PIP5K1B: variants seen among roughly 807,000 people sequenced by gnomAD.
The protein encoded by PIP5K1B is phosphatidylinositol-4-phosphate 5-kinase type 1 beta.
Under a neutral mutation model 67.0 loss-of-function variants are expected in PIP5K1B, and 42 were observed. The ratio of observed to expected loss-of-function variants is 0.63; its 90% CI spans 0.49 to 0.81. The LOEUF is 0.81. PIP5K1B is among the 30% of genes least tolerant of loss of function. The probability of loss-of-function intolerance (pLI) is 0.00; values close to 1 mark genes in which losing one functional copy is unlikely to be tolerated. For synonymous variants in PIP5K1B, 214 were observed against 231.4 expected (o/e 0.92, Z 0.68); for missense variants, 459 against 646.3 (o/e 0.71, Z 3.14).
At chr9:68,892,119 A>T (rs1038884562) in intron 7 of PIP5K1B, among the ~76,000 whole-genome samples, 3 of 152,196 alleles carry the variant, frequency 2.0e-5, no homozygotes, top group African/African-American at 7.2e-5. Context: ...AGAAATCTGC[A>T]TTGTTCCTGA....
intron 14 of PIP5K1B, among the ~76,000 whole-genome samples, chr9:68,973,190 A>C (rs569628917): frequency 3.9e-5 from 6 of 152,316 alleles, no homozygotes; most frequent in Admixed American, 1.3e-4. Flanking sequence ...GTAATACAAC[A>C]ACCTCATCTG....
At chr9:68,737,178 G>A (rs770570946) in intron 1 of PIP5K1B, among the ~76,000 whole-genome samples, 1 of 152,104 alleles carries the variant, frequency 6.6e-6, no homozygotes, top group Non-Finnish European at 1.5e-5. Flanking sequence ...ACGTCACCAG[G>A]TTTGCTTTCT....
intron 2 of PIP5K1B, among the ~76,000 whole-genome samples, chr9:68,768,896 A>G (rs62552126): frequency 0.12 from 18,358 of 152,222 alleles, 1,212 homozygotes; most frequent in Non-Finnish European, 0.16. Flanking sequence ...ATTTCAATAG[A>G]AACCCCTGGT....
intron 4 of PIP5K1B, among the ~76,000 whole-genome samples, chr9:68,838,546 A>G (rs1186119541): frequency 2.0e-5 from 3 of 152,206 alleles, no homozygotes; most frequent in Non-Finnish European, 4.4e-5. Context: ...CTGCATTAAG[A>G]AAGTTTTTTT....
intron 5 of PIP5K1B, among the ~76,000 whole-genome samples, chr9:68,873,813 CAG>C (rs1393315035): frequency 6.6e-6 from 1 of 152,104 alleles, no homozygotes; most frequent in Non-Finnish European, 1.5e-5. Context: ...TTTTAAATAA[CAG>C]AGATAATTTG....
chr9:68,721,554 C>A (rs1827883077), intron 1 of PIP5K1B, among the ~76,000 whole-genome samples: 2 of 151,992 alleles, frequency 1.3e-5, no homozygotes, highest in Non-Finnish European at 1.5e-5. Context: ...GATGATGAGT[C>A]CTATTTTGGA....
intron 1 of PIP5K1B, among the ~76,000 whole-genome samples, chr9:68,719,914 T>C (rs1044651760): frequency 5.3e-5 from 8 of 152,236 alleles, no homozygotes; most frequent in Non-Finnish European, 1.2e-4. Context: ...TAGAACTGAA[T>C]GCTAAGTATC....
intron 6 of PIP5K1B, among the ~76,000 whole-genome samples, chr9:68,880,404 C>T (rs1458183151): frequency 6.6e-6 from 1 of 151,944 alleles, no homozygotes; most frequent in Non-Finnish European, 1.5e-5. Context: ...AATACAAAAA[C>T]GTTAGCTGGG....
At chr9:68,799,296 A>G (rs1395705530) in intron 2 of PIP5K1B, among the ~76,000 whole-genome samples, 1 of 152,206 alleles carries the variant, frequency 6.6e-6, no homozygotes, top group Non-Finnish European at 1.5e-5. Flanking sequence ...TCAGTGACTA[A>G]TTTTAGGGTA....
At chr9:68,835,068 G>A (rs1834527726) in intron 4 of PIP5K1B, among the ~76,000 whole-genome samples, 1 of 152,192 alleles carries the variant, frequency 6.6e-6, no homozygotes, top group South Asian at 2.1e-4. Context: ...CATTTCTCCA[G>A]AACAAACATC....
At chr9:68,746,166 C>T (rs1173954843) in intron 2 of PIP5K1B, among the ~76,000 whole-genome samples, 2 of 151,120 alleles carry the variant, frequency 1.3e-5, no homozygotes, top group South Asian at 2.1e-4. Flanking sequence ...GCAACCTCCA[C>T]CTCCCGGGTT....
chr9:68,990,630 TAGAG>T (rs1023332164), intron 14 of PIP5K1B, among the ~76,000 whole-genome samples: 5 of 147,874 alleles, frequency 3.4e-5, no homozygotes, highest in African/African-American at 1.2e-4. Context: ...CGTGTGCTGG[TAGAG>T]AGAGAAAATG....
At position 68,956,155 on chromosome 9, in the gene PIP5K1B, T is replaced by C. The variant is rs974937335; in HGVS notation, c.1502+15365T>C. Among the ~76,000 whole-genome samples, 6 of 152,220 alleles carry C rather than the reference T, an allele frequency of 3.9e-5. No individual in the cohort carries two copies. In the East Asian group the frequency reaches 7.7e-4, roughly 20 times the overall value. Reference sequence around the variant, plus strand: ...TATAATTCTTCAACCATTATGAATGTACTCTCAAATGCATCGTTTGAAACA... The same window carrying C: ...TATAATTCTTCAACCATTATGAATGCACTCTCAAATGCATCGTTTGAAACA... On this transcript the variant is annotated intron_variant, in intron 14 of 15. Transcript: ENST00000265382.
intron 5 of PIP5K1B, among the ~76,000 whole-genome samples, chr9:68,869,898 G>A (rs1381733108): frequency 6.6e-6 from 1 of 152,188 alleles, no homozygotes; most frequent in Non-Finnish European, 1.5e-5. Context: ...CAGTTTTTAT[G>A]TACATGTGGG....
rs536494794 is a variant in PIP5K1B, at chr9:68,749,767, T to C, written c.-86+7110T>C. On this transcript the variant is annotated intron_variant, in intron 2 of 15. Coordinates refer to ENST00000265382, the MANE Select transcript of PIP5K1B (RefSeq NM_003558.4). ...GTGGGGCGGTCCTCTGCCCTGAGGA[T>C]GTTCAGCGGCATTCCTATCCACTAG... Among the ~76,000 whole-genome samples, 9 of 152,294 alleles carry C rather than the reference T, an allele frequency of 5.9e-5. No homozygotes were observed. In the East Asian group the frequency reaches 1.7e-3, roughly 29 times the overall value.
intron 1 of PIP5K1B, among the ~76,000 whole-genome samples, chr9:68,730,130 T>C (rs1828351196): frequency 6.6e-6 from 1 of 152,202 alleles, no homozygotes. Context: ...GAAAGACTGT[T>C]TATAAGCAAG....
intron 5 of PIP5K1B, 128 bp from the exon 6 acceptor site, chr9:68,876,549 C>A: frequency 3.2e-6 from 2 of 625,682 alleles, no homozygotes; most frequent in Non-Finnish European, 5.7e-6. Context: ...TTTGAGAAAC[C>A]CGCTCTCAGG....
intron 8 of PIP5K1B, among the ~76,000 whole-genome samples, chr9:68,911,377 T>TA (rs60001726): frequency 0.051 from 6,779 of 133,234 alleles, 246 homozygotes; most frequent in East Asian, 0.1. Context: ...CCATCTCAAA[T>TA]AAAAAAAAAA....
At chr9:68,809,791 C>T (rs1833062547) in intron 2 of PIP5K1B, among the ~76,000 whole-genome samples, 1 of 152,182 alleles carries the variant, frequency 6.6e-6, no homozygotes. Flanking sequence ...CCATGAGCCC[C>T]ACAGGCTGAC....
Sources: allele counts gnomAD v4.1 joint callset (sites outside exome capture counted in the v4.1 genomes callset), GRCh38; gene constraint gnomAD v4.1.1; transcripts MANE v1.5; gene names NCBI Gene and HGNC (gene_info 2026-07-23, HGNC 2026-07-21).